GRIP1: variants seen among roughly 807,000 people sequenced by gnomAD.
The protein encoded by GRIP1 is glutamate receptor-interacting protein 1.
In GRIP1, 45 loss-of-function variants were observed where a neutral mutation model predicts 129.9. The observed-to-expected ratio is 0.35, with a 90% CI of 0.27 to 0.44. GRIP1 has a LOEUF of 0.44. Ranked by LOEUF, GRIP1 falls within the 20% of genes least tolerant of loss-of-function variation. The pLI is 1.00. For missense variants in GRIP1, 1,196 were observed against 1,396.8 expected, an observed-to-expected ratio of 0.86 and a Z score of 2.29; for synonymous variants, 530 against 520.8, an observed-to-expected ratio of 1.02 and a Z score of -0.24.
Position 66,377,274 on chromosome 12 carries a change from G to A in GRIP1, c.2633C>T (p.Ala878Val). ...TTGTTCTGTCTCTGCACTATCGGCA[G>A]CCCCTGCAAAACTGTTGTCAAGAAA... ...DRSTASGFAGAADSAETEQEE... is the reference protein window; with the variant it reads ...DRSTASGFAGVADSAETEQEE... The change falls in exon 21 of 25, where the codon GCT becomes GTT. Residue 878 changes from alanine (A) to valine (V), a missense_variant. Coordinates refer to ENST00000359742, the MANE Select transcript of GRIP1 (RefSeq NM_001366722.1). 6.2e-7 allele frequency: 1 copy of A among 1,610,244 alleles called. No homozygotes were observed. The highest frequency in any genetic ancestry group is 1.7e-5 in the Admixed American group (1 of 60,000).
intron 1 of GRIP1, among the ~76,000 whole-genome samples, chr12:66,840,990 G>A (rs756037487): frequency 2.6e-5 from 4 of 152,124 alleles, no homozygotes; most frequent in Admixed American, 6.6e-5. Flanking sequence ...TTCAGGTAAC[G>A]AGGAATAATT....
At chr12:66,705,473 A>G (rs971116935) in intron 1 of GRIP1, among the ~76,000 whole-genome samples, 9 of 152,306 alleles carry the variant, frequency 5.9e-5, no homozygotes, top group African/African-American at 2.2e-4. Context: ...GAAAATGGCC[A>G]TACTGCCCAA....
chr12:66,564,946 C>A (rs370886152), intron 2 of GRIP1, among the ~76,000 whole-genome samples: 1 of 140,820 alleles, frequency 7.1e-6, no homozygotes, highest in East Asian at 2.0e-4. Context: ...TGTCTGTTCA[C>A]ACCCTTCACC....
At chr12:66,955,948 T>A (rs1286237307) in intron 1 of GRIP1, among the ~76,000 whole-genome samples, 1 of 152,236 alleles carries the variant, frequency 6.6e-6, no homozygotes, top group Non-Finnish European at 1.5e-5. Flanking sequence ...TTATATATCC[T>A]ACATTTTAAA....
At chr12:66,930,055 C>CTCTCTCTTT (rs67075541) in intron 1 of GRIP1, among the ~76,000 whole-genome samples, 1 of 128,772 alleles carries the variant, frequency 7.8e-6, no homozygotes, top group African/African-American at 2.9e-5. Context: ...CTCTCTCTCT[C>CTCTCTCTTT]TTTTTTTTTT....
intron 1 of GRIP1, among the ~76,000 whole-genome samples, chr12:66,837,549 T>A (rs942073434): frequency 6.6e-6 from 1 of 152,158 alleles, no homozygotes; most frequent in Non-Finnish European, 1.5e-5. Flanking sequence ...CTGGGGAAGT[T>A]GGCAAGGGAA....
chr12:66,356,073 TC>T (rs1410078695), intron 23 of GRIP1, among the ~76,000 whole-genome samples: 1 of 152,140 alleles, frequency 6.6e-6, no homozygotes, highest in Non-Finnish European at 1.5e-5. Context: ...GGAGGGCACT[TC>T]TGGTACCAGG....
intron 1 of GRIP1, among the ~76,000 whole-genome samples, chr12:66,636,850 C>T (rs1837578452): frequency 1.3e-5 from 2 of 152,054 alleles, no homozygotes; most frequent in South Asian, 4.1e-4. Flanking sequence ...TCAAATCTTG[C>T]TGGGACCTTG....
At chr12:66,435,278 T>C (rs949471063) in intron 13 of GRIP1, among the ~76,000 whole-genome samples, 1 of 149,766 alleles carries the variant, frequency 6.7e-6, no homozygotes, top group African/African-American at 2.5e-5. Context: ...CACAGTTCAC[T>C]GCAGCCTTGA....
chr12:67,040,855 G>A (rs2135810974), intron 1 of GRIP1, among the ~76,000 whole-genome samples: 1 of 152,258 alleles, frequency 6.6e-6, no homozygotes, highest in African/African-American at 2.4e-5. Context: ...CAGTTTTCCT[G>A]GATGTTTTTA....
At chr12:66,952,732 C>G (rs2041777701) in intron 1 of GRIP1, among the ~76,000 whole-genome samples, 1 of 152,178 alleles carries the variant, frequency 6.6e-6, no homozygotes, top group African/African-American at 2.4e-5. Flanking sequence ...CAACATCTTT[C>G]ATGACCACAA....
At chr12:66,816,681 A>C (rs1283850527) in intron 1 of GRIP1, among the ~76,000 whole-genome samples, 2 of 152,204 alleles carry the variant, frequency 1.3e-5, no homozygotes. Flanking sequence ...TCAAAACCTT[A>C]AAGAAGTATT....
rs150995761 is a variant in GRIP1 at position 66,760,756 on chromosome 12, C to T, written c.-420+43297G>A. Among the ~76,000 whole-genome samples, 5 of 151,744 alleles carry T rather than the reference C, an allele frequency of 3.3e-5. No individual in the cohort carries two copies. The East Asian group carries it at 9.7e-4, about 29-fold the overall frequency. On this transcript the variant is annotated intron_variant, in intron 1 of 4. Transcript: ENST00000538373. ...TTAACTGGAGATAAAAATGACTGCA[C>T]AATGAAGATTACGGAATATGAATAT... is the stretch of plus-strand genomic sequence containing the variant.
At chr12:66,411,250 C>T (rs1400346165) in intron 15 of GRIP1, among the ~76,000 whole-genome samples, 1 of 152,104 alleles carries the variant, frequency 6.6e-6, no homozygotes, top group Admixed American at 6.5e-5. Flanking sequence ...CAGGTCAGTG[C>T]CCCTCTGGGA....
chr12:66,786,325 C>CA (rs1194130413), intron 1 of GRIP1, among the ~76,000 whole-genome samples: 1 of 152,140 alleles, frequency 6.6e-6, no homozygotes, highest in Non-Finnish European at 1.5e-5. Context: ...ACAGTGGCCA[C>CA]ACACATGAGA....
chr12:66,769,097 G>A (rs1296562567), intron 1 of GRIP1, among the ~76,000 whole-genome samples: 1 of 152,216 alleles, frequency 6.6e-6, no homozygotes, highest in African/African-American at 2.4e-5. Flanking sequence ...CAGAGTTTCT[G>A]ACGCAGTAGG....
intron 15 of GRIP1, among the ~76,000 whole-genome samples, chr12:66,420,162 C>T (rs1447650899): frequency 6.6e-6 from 1 of 151,830 alleles, no homozygotes; most frequent in Non-Finnish European, 1.5e-5. Context: ...TTTTTTAAGT[C>T]CTGAATTGGA....
chr12:66,918,810 C>T (rs553445266), intron 1 of GRIP1, among the ~76,000 whole-genome samples: 1 of 152,014 alleles, frequency 6.6e-6, no homozygotes, highest in East Asian at 1.9e-4. Flanking sequence ...CAACTTTCTC[C>T]AAAACTCCAA....
intron 5 of GRIP1, 102 bp from the exon 6 acceptor site, chr12:66,518,078 G>A (rs2060898631): frequency 1.4e-5 from 11 of 781,908 alleles, no homozygotes; most frequent in South Asian, 5.5e-5. Flanking sequence ...CTTGATGTAC[G>A]GAGGAAAATA....
Sources: gnomAD v4.1 joint callset for allele counts (sites outside exome capture counted in the v4.1 genomes callset) on GRCh38, gnomAD v4.1.1 for gene constraint, MANE v1.5 for transcripts, NCBI Gene and HGNC (gene_info 2026-07-23, HGNC 2026-07-21) for gene names.